Variants in NTM observed in about 807,000 individuals in gnomAD.
NTM encodes the protein neurotrimin.
In NTM, 13 loss-of-function variants were observed where a neutral mutation model predicts 42.1. The ratio of observed to expected loss-of-function variants is 0.31; its 90% confidence interval spans 0.20 to 0.49. The LOEUF is 0.49. Ranked by LOEUF, NTM falls within the 20% of genes least tolerant of loss-of-function variation. The probability of loss-of-function intolerance (pLI) is 0.99; values close to 1 mark genes in which losing one functional copy is unlikely to be tolerated. For missense variants in NTM, 373 were observed against 452.8 expected (o/e 0.82, Z 1.60); for synonymous variants, 187 against 179.2 (o/e 1.04, Z -0.35).
intron 1 of NTM, among the ~76,000 whole-genome samples, chr11:131,555,435 C>T (rs146058330): frequency 6.6e-6 from 1 of 152,178 alleles, no homozygotes; most frequent in African/African-American, 2.4e-5. Flanking sequence ...CATGGAAACC[C>T]ATAAGTAGTT....
chr11:131,471,055 CAT>C (rs998820623), intron 1 of NTM, among the ~76,000 whole-genome samples: 1 of 152,170 alleles, frequency 6.6e-6, no homozygotes, highest in Admixed American at 6.5e-5. Flanking sequence ...AAGCTGGGAA[CAT>C]ATTAGATGCT....
At chr11:131,496,123 T>C (rs1304702690) in intron 1 of NTM, among the ~76,000 whole-genome samples, 1 of 152,294 alleles carries the variant, frequency 6.6e-6, no homozygotes, top group East Asian at 1.9e-4. Flanking sequence ...TCTTCCCACA[T>C]CTCCCCTGCC....
At chr11:131,940,416 C>T (rs1030145017) in intron 2 of NTM, among the ~76,000 whole-genome samples, 2 of 152,194 alleles carry the variant, frequency 1.3e-5, no homozygotes, top group Non-Finnish European at 1.5e-5. Flanking sequence ...GAGATAAATA[C>T]ATATGTATTT....
At chr11:131,942,132 T>C (rs1324853019) in intron 2 of NTM, among the ~76,000 whole-genome samples, 1 of 152,174 alleles carries the variant, frequency 6.6e-6, no homozygotes, top group African/African-American at 2.4e-5. Flanking sequence ...AACAGCCAGC[T>C]GTAAAGTAAA....
intron 2 of NTM, among the ~76,000 whole-genome samples, chr11:132,109,915 T>C (rs1019845365): frequency 6.6e-6 from 1 of 152,228 alleles, no homozygotes; most frequent in African/African-American, 2.4e-5. Context: ...ATTCCTGACT[T>C]ACAATTTGCC....
At chr11:132,036,772 G>T (rs1319483657) in intron 2 of NTM, among the ~76,000 whole-genome samples, 1 of 152,128 alleles carries the variant, frequency 6.6e-6, no homozygotes, top group Non-Finnish European at 1.5e-5. Flanking sequence ...TTAACTCCTT[G>T]TTTTTATTAA....
chr11:131,523,782 C>CAAAAAAAAAAAAA (rs3040114), intron 1 of NTM, among the ~76,000 whole-genome samples: 3 of 72,190 alleles, frequency 4.2e-5, no homozygotes, highest in Non-Finnish European at 5.4e-5. Flanking sequence ...GACTCCATCT[C>CAAAAAAAAAAAAA]AAAAAAAAAA....
At chr11:131,524,488 T>A (rs1486456393) in intron 1 of NTM, among the ~76,000 whole-genome samples, 1 of 152,362 alleles carries the variant, frequency 6.6e-6, no homozygotes, top group East Asian at 1.9e-4. Context: ...CAACTCATAG[T>A]CATCTTTAAT....
At chr11:131,432,337 A>C (rs1035150612) in intron 1 of NTM, among the ~76,000 whole-genome samples, 4 of 152,198 alleles carry the variant, frequency 2.6e-5, no homozygotes, top group African/African-American at 9.7e-5. Context: ...ATATTAAGTA[A>C]ATAATTATCT....
chr11:132,214,228 G>A (rs1190624570), intron 4 of NTM, among the ~76,000 whole-genome samples: 1 of 152,192 alleles, frequency 6.6e-6, no homozygotes, highest in Non-Finnish European at 1.5e-5. Flanking sequence ...ATTCAGACAG[G>A]TGCATGCTAA....
intron 2 of NTM, among the ~76,000 whole-genome samples, chr11:132,073,654 T>C: frequency 6.6e-6 from 1 of 152,092 alleles, no homozygotes; most frequent in South Asian, 2.1e-4. Flanking sequence ...ACCATTATGG[T>C]CAATTTCATT....
chr11:131,682,171 AG>A (rs145568389), intron 1 of NTM, among the ~76,000 whole-genome samples: 5,206 of 152,214 alleles, frequency 0.034, 312 homozygotes, highest in African/African-American at 0.12. Context: ...GACTCCTGCA[AG>A]GTCTCACCCG....
chr11:132,154,304 G>C (rs561066266), intron 3 of NTM, among the ~76,000 whole-genome samples: 1 of 152,260 alleles, frequency 6.6e-6, no homozygotes, highest in South Asian at 2.1e-4. Context: ...AAAAGAACAT[G>C]ACAAACACCT....
chr11:131,968,725 G>A (rs1565847163), intron 2 of NTM, among the ~76,000 whole-genome samples: 1 of 152,150 alleles, frequency 6.6e-6, no homozygotes, highest in Non-Finnish European at 1.5e-5. Flanking sequence ...ACAGGCATGG[G>A]GGTGATAATT....
At chr11:131,510,594 A>G (rs1231804467) in intron 1 of NTM, among the ~76,000 whole-genome samples, 1 of 152,222 alleles carries the variant, frequency 6.6e-6, no homozygotes, top group Non-Finnish European at 1.5e-5. Flanking sequence ...TAAAAATTCT[A>G]AAAACCAATT....
intron 1 of NTM, among the ~76,000 whole-genome samples, chr11:131,455,234 G>A (rs1950780757): frequency 6.6e-6 from 1 of 152,194 alleles, no homozygotes; most frequent in Non-Finnish European, 1.5e-5. Context: ...CCAGCCCCGT[G>A]GGTTCATAAG....
At position 132,335,322 on chromosome 11, in the gene NTM, A is replaced by G. The variant is rs909758178; in HGVS notation, c.*176A>G. 5 of 684,956 alleles carry G rather than the reference A, an allele frequency of 7.3e-6. No homozygotes were observed. Among genetic ancestry groups the G allele is most frequent in the South Asian group, 4.0e-5 (2 of 49,482 alleles). The allele number at this position is 684,956 out of a possible 1,614,324, so 42.4% of individuals were successfully genotyped here. A position where few individuals can be genotyped will look rare whatever the true frequency, so the allele number is the denominator to read the frequency against. On this transcript the variant is annotated 3_prime_UTR_variant, in exon 9 of 9. Transcript: ENST00000683400. Reference sequence around the variant, plus strand: ...ACAAAGAATACTTTGGGGGGAAAAAAGTTTTAAAAAAGAAATTGAAAATTG... The same window carrying G: ...ACAAAGAATACTTTGGGGGGAAAAAGGTTTTAAAAAAGAAATTGAAAATTG...
intron 2 of NTM, among the ~76,000 whole-genome samples, chr11:131,983,195 G>A (rs1379983258): frequency 2.0e-5 from 3 of 151,952 alleles, no homozygotes; most frequent in African/African-American, 7.3e-5. Flanking sequence ...TCAATAACCT[G>A]TATTGTACCT....
chr11:131,954,527 T>A (rs2061363498), intron 2 of NTM, among the ~76,000 whole-genome samples: 1 of 152,232 alleles, frequency 6.6e-6, no homozygotes, highest in African/African-American at 2.4e-5. Context: ...GGATGTACAT[T>A]CATCCCTGTC....
Sources: allele counts gnomAD v4.1 joint callset (sites outside exome capture counted in the v4.1 genomes callset), GRCh38; gene constraint gnomAD v4.1.1; transcripts MANE v1.5; gene names NCBI Gene and HGNC (gene_info 2026-07-23, HGNC 2026-07-21).